Variants in CLPTM1L observed in about 807,000 individuals in gnomAD.
CLPTM1L encodes CLPTM1 like, also known as lipid scramblase CLPTM1L.
Under a neutral mutation model 70.9 loss-of-function variants are expected in CLPTM1L, and 38 were observed. That is an observed-to-expected ratio of 0.54 (90% CI 0.41 to 0.70). The LOEUF is 0.70. Ranked by LOEUF, CLPTM1L falls within the 30% of genes least tolerant of loss-of-function variation. The probability of loss-of-function intolerance (pLI) is 0.00; values close to 1 mark genes in which losing one functional copy is unlikely to be tolerated. For synonymous variants in CLPTM1L, 339 were observed against 299.9 expected, an observed-to-expected ratio of 1.13 and a Z score of -1.35; for missense variants, 652 against 705.9, an observed-to-expected ratio of 0.92 and a Z score of 0.87.
At chr5:1,325,973 G>T (rs927368078) in intron 9 of CLPTM1L, 157 bp from the exon 10 acceptor site, 2 of 634,756 alleles carry the variant, frequency 3.2e-6, no homozygotes, top group Non-Finnish European at 5.6e-6. Context: ...CAGAGCGCTG[G>T]AGGCTGGACC....
chr5:1,334,645 T>C (rs1753440234), intron 6 of CLPTM1L, among the ~76,000 whole-genome samples: 1 of 151,272 alleles, frequency 6.6e-6, no homozygotes, highest in Non-Finnish European at 1.5e-5. Flanking sequence ...TCCTAGCTAC[T>C]GGGGGGACTG....
intron 4 of CLPTM1L, 119 bp downstream of exon 4, chr5:1,338,741 C>A (rs955511203): frequency 5.2e-6 from 6 of 1,164,848 alleles, no homozygotes; most frequent in African/African-American, 1.5e-5. Context: ...GAGGCCCGGG[C>A]AGCAAGTGCC....
intron 9 of CLPTM1L, 187 bp from the exon 10 acceptor site, chr5:1,326,003 C>T (rs1387461474): frequency 8.8e-5 from 51 of 582,190 alleles, no homozygotes; most frequent in Middle Eastern, 3.9e-4. Flanking sequence ...AACCCACACA[C>T]GGCAGGCGTA....
rs1296072941 is a variant in CLPTM1L, at chr5:1,337,906, T to A, written c.676A>T (p.Met226Leu). 2 of 1,595,040 alleles carry A rather than the reference T, an allele frequency of 1.3e-6. No homozygotes were observed. Among genetic ancestry groups the A allele is most frequent in the African/African-American group, 2.7e-5 (2 of 74,836 alleles). ...CAGCGGGCAGAGGTGTCACTCACCA[T>A]CAGGTCCTTCACGCGGTTGCTGAGC... ...DQLSNRVKDL[M>L]VINRSTTELP... The change falls in exon 5 of 17, where the codon ATG becomes TTG. Residue 226 changes from methionine to leucine, a missense_variant and splice_region_variant. This residue lies in a region of CLPTM1L where 402 missense variants were observed against 388.2 expected (regional missense o/e 1.04). Coordinates refer to ENST00000320895, the MANE Select transcript of CLPTM1L (RefSeq NM_030782.5).
At chr5:1,341,976 A>C (rs1323810903) in intron 2 of CLPTM1L, 116 bp from the exon 3 acceptor site, 7 of 798,902 alleles carry the variant, frequency 8.8e-6, no homozygotes, top group Non-Finnish European at 1.2e-5. Context: ...GAAGTACTAA[A>C]AATGAAACCC....
intron 8 of CLPTM1L, chr5:1,331,595 C>T (rs1009440814): frequency 1.7e-6 from 1 of 599,124 alleles, no homozygotes; most frequent in South Asian, 2.0e-5. Flanking sequence ...GGCCCTGAGC[C>T]GTGCAGCCTC....
At chr5:1,321,723 G>A in intron 14 of CLPTM1L, 41 bp downstream of exon 14, 1 of 1,613,964 alleles carries the variant, frequency 6.2e-7, no homozygotes, top group South Asian at 1.1e-5. Flanking sequence ...GGGCAGCACA[G>A]GAGACGGGGG....
chr5:1,336,693 G>A (rs1281560953), intron 5 of CLPTM1L, among the ~76,000 whole-genome samples: 3 of 152,348 alleles, frequency 2.0e-5, no homozygotes, highest in Admixed American at 6.5e-5. Flanking sequence ...GGCCGACAGA[G>A]AAACTACTCA....
At chr5:1,327,079 GACATTCCACCCAGCTCCTCCTCGACAGAC>G (rs1752637929) in intron 9 of CLPTM1L, among the ~76,000 whole-genome samples, 2 of 104,402 alleles carry the variant, frequency 1.9e-5, no homozygotes, top group Non-Finnish European at 2.0e-5. Flanking sequence ...CCTCGACAGG[GACATTCCACCCAGCTCCTCCTCGACAGAC>G]ACATTCCATC....
rs554661322 is a variant in CLPTM1L at position 1,318,423 on chromosome 5, G to A, written c.1563C>T (p.Asn521=). 12 of 1,613,774 alleles carry A rather than the reference G, an allele frequency of 7.4e-6. No homozygotes were observed. Among genetic ancestry groups the A allele is most frequent in the South Asian group, 5.5e-5 (5 of 91,076 alleles). The change falls in exon 17 of 17, where the codon AAC becomes AAT. Residue 521 remains asparagine, a synonymous_variant. Coordinates refer to ENST00000320895, the MANE Select transcript of CLPTM1L (RefSeq NM_030782.5). The surrounding 1 kb of genome is among the most constrained non-coding windows in gnomAD (Gnocchi z 8.9). ...TCTCCTCGTAGGACTCCCCAAACTCGTTCACTCTGCGTTTATCCACAGGAT... is the reference window on the plus strand; with the variant it reads ...TCTCCTCGTAGGACTCCCCAAACTCATTCACTCTGCGTTTATCCACAGGAT... ...WLYPVDKRRV[N]EFGESYEEKA... is the part of the protein sequence containing the mutation.
At chr5:1,340,255 G>C (rs1301291837) in intron 3 of CLPTM1L, among the ~76,000 whole-genome samples, 1 of 152,234 alleles carries the variant, frequency 6.6e-6, no homozygotes, top group East Asian at 1.9e-4. Flanking sequence ...GGCTCACACA[G>C]CCCTGTGGCT....
At chr5:1,323,666 G>A (rs1752324018) in intron 12 of CLPTM1L, 121 bp downstream of exon 12, 3 of 731,798 alleles carry the variant, frequency 4.1e-6, no homozygotes, top group Non-Finnish European at 7.1e-6. Flanking sequence ...CCCCTCCCAG[G>A]CGCTGGCCCA....
rs373350757 is a variant in CLPTM1L, at chr5:1,344,761, C to G, written c.81G>C (p.Met27Ile). The G allele has an allele frequency of 1.5e-5, 24 of 1,605,032 alleles. No homozygotes were observed. Among genetic ancestry groups the G allele is most frequent in the Non-Finnish European group, 2.0e-5 (24 of 1,176,752 alleles). Residue 27 changes from methionine to isoleucine, a missense_variant, in exon 1 of 17, where the codon ATG becomes ATC. Transcript: ENST00000320895. ...ACGGGCGGGTGTAGACGATGCCGTA[C>G]ATGACCCAGCAGGTGTGCACCACGT... Reference protein sequence around the residue: ...VVYVVHTCWVMYGIVYTRPCS... With the variant: ...VVYVVHTCWVIYGIVYTRPCS...
intron 15 of CLPTM1L, 22 bp downstream of exon 15, chr5:1,321,613 C>T: frequency 6.2e-7 from 1 of 1,609,180 alleles, no homozygotes; most frequent in Non-Finnish European, 8.5e-7. Context: ...AGAAGGGATT[C>T]CTCACCGGCT....
intron 7 of CLPTM1L, 160 bp from the exon 8 acceptor site, chr5:1,332,043 G>A (rs769413378): frequency 1.4e-5 from 9 of 637,510 alleles, no homozygotes; most frequent in African/African-American, 3.6e-5. Context: ...GCCTCTACGC[G>A]CCTGGCCTGC....
intron 2 of CLPTM1L, among the ~76,000 whole-genome samples, chr5:1,343,639 T>C (rs1754088708): frequency 1.3e-5 from 2 of 152,164 alleles, no homozygotes; most frequent in Non-Finnish European, 2.9e-5. Context: ...TGGCTTGAGG[T>C]CACAGGCCTA....
At chr5:1,335,824 C>T (rs1367306605) in intron 5 of CLPTM1L, among the ~76,000 whole-genome samples, 1 of 152,204 alleles carries the variant, frequency 6.6e-6, no homozygotes, top group Non-Finnish European at 1.5e-5. Flanking sequence ...AACGGGTTCA[C>T]AAGCGCGAGC....
At chr5:1,337,821 C>A in intron 5 of CLPTM1L, 83 bp downstream of exon 5, 1 of 1,082,256 alleles carries the variant, frequency 9.2e-7, no homozygotes, top group Non-Finnish European at 1.4e-6. Flanking sequence ...TGGCCCGGTC[C>A]ATTAGGGTGC....
chr5:1,332,672 G>A (rs927280657), intron 7 of CLPTM1L, among the ~76,000 whole-genome samples: 7 of 152,208 alleles, frequency 4.6e-5, no homozygotes, highest in African/African-American at 1.7e-4. Flanking sequence ...GCACGGAGCA[G>A]TGCGATGAGA....
Sources: allele counts gnomAD v4.1 joint callset (sites outside exome capture counted in the v4.1 genomes callset), GRCh38; gene constraint gnomAD v4.1.1; regional missense constraint gnomAD v4.1.1; non-coding constraint Gnocchi (gnomAD v3.1); transcripts MANE v1.5; gene names NCBI Gene and HGNC (gene_info 2026-07-23, HGNC 2026-07-21).